Variants in KCTD16 observed in about 807,000 individuals in gnomAD.
KCTD16 encodes potassium channel tetramerization domain containing 16, also known as BTB/POZ domain-containing protein KCTD16.
In KCTD16, 13 loss-of-function variants were observed where a neutral mutation model predicts 33.2. The observed-to-expected ratio is 0.39, with a 90% CI of 0.25 to 0.62. KCTD16 has a LOEUF of 0.62. Among genes scored for constraint, KCTD16 ranks in the 20% least tolerant of loss-of-function variants. The pLI is 0.50. For missense variants in KCTD16, 441 were observed against 525.1 expected (o/e 0.84, Z 1.57); for synonymous variants, 197 against 195.3 (o/e 1.01, Z -0.07).
chr5:144,469,151 ATTTAAG>A (rs1229239366), intron 3 of KCTD16, among the ~76,000 whole-genome samples: 3 of 152,172 alleles, frequency 2.0e-5, no homozygotes, highest in Admixed American at 2.0e-4. Flanking sequence ...CCCGTTCTGG[ATTTAAG>A]TTTATTTGAT....
intron 3 of KCTD16, among the ~76,000 whole-genome samples, chr5:144,353,329 A>T (rs1455139993): frequency 1.3e-5 from 2 of 152,102 alleles, no homozygotes; most frequent in African/African-American, 2.4e-5. Context: ...CATTTATACT[A>T]TTTCTCTGAT....
chr5:144,365,182 G>T (rs1374001547), intron 3 of KCTD16, among the ~76,000 whole-genome samples: 1 of 152,004 alleles, frequency 6.6e-6, no homozygotes, highest in Non-Finnish European at 1.5e-5. Flanking sequence ...TTCTTGTTGT[G>T]AGATATTCTT....
intron 3 of KCTD16, among the ~76,000 whole-genome samples, chr5:144,408,827 C>G (rs1236388493): frequency 6.6e-6 from 1 of 152,172 alleles, no homozygotes; most frequent in Non-Finnish European, 1.5e-5. Context: ...TCCCTTCCAA[C>G]CGTCTTTACA....
chr5:144,195,266 A>G (rs1171895273), intron 2 of KCTD16, among the ~76,000 whole-genome samples: 1 of 152,130 alleles, frequency 6.6e-6, no homozygotes, highest in Admixed American at 6.5e-5. Context: ...GATTTCTTCT[A>G]TTTACCTTTC....
intron 3 of KCTD16, among the ~76,000 whole-genome samples, chr5:144,226,895 A>T (rs1401565875): frequency 6.6e-6 from 1 of 152,204 alleles, no homozygotes; most frequent in African/African-American, 2.4e-5. Context: ...TTATGAATAC[A>T]TAATAGCCAA....
At chr5:144,246,502 A>C (rs993830860) in intron 3 of KCTD16, among the ~76,000 whole-genome samples, 1 of 152,172 alleles carries the variant, frequency 6.6e-6, no homozygotes, top group Non-Finnish European at 1.5e-5. Context: ...TAAAATAATT[A>C]ATATAGAACT....
intron 3 of KCTD16, among the ~76,000 whole-genome samples, chr5:144,448,195 C>T (rs1753863292): frequency 6.6e-6 from 1 of 152,068 alleles, no homozygotes; most frequent in South Asian, 2.1e-4. Context: ...GCCTTGCCTC[C>T]AAATGACTAT....
chr5:144,234,674 C>A (rs1165784392), intron 3 of KCTD16, among the ~76,000 whole-genome samples: 2 of 152,018 alleles, frequency 1.3e-5, no homozygotes, highest in Non-Finnish European at 1.5e-5. Flanking sequence ...ATTTTCCCAC[C>A]CCATCTGGTG....
chr5:144,190,629 A>T (rs977760346), intron 2 of KCTD16, among the ~76,000 whole-genome samples: 1 of 152,184 alleles, frequency 6.6e-6, no homozygotes, highest in African/African-American at 2.4e-5. Flanking sequence ...AGCTTAAACT[A>T]CTAAAGAACA....
Position 144,478,691 on chromosome 5 carries a change from G to C in KCTD16, c.*4577G>C, listed in dbSNP as rs965204498. 1.3e-5 allele frequency: 2 copies of C among 151,976 alleles called. No individual in the cohort carries two copies. The highest frequency in any genetic ancestry group is 4.8e-5 in the African/African-American group (2 of 41,414). 9.4% of individuals were successfully genotyped at this position (151,976 alleles called of 1,614,324 possible). ...ACTTTGAAAAATTCTGCTGTTTAGG[G>C]AATATGCAGAGGCCAAGAGTTCCTT... is the stretch of plus-strand genomic sequence containing the variant. On this transcript the variant is annotated 3_prime_UTR_variant, in exon 4 of 4. Coordinates refer to ENST00000512467, the MANE Select transcript of KCTD16 (RefSeq NM_020768.4).
intron 2 of KCTD16, among the ~76,000 whole-genome samples, chr5:144,174,994 G>A (rs1351170897): frequency 6.6e-6 from 1 of 152,148 alleles, no homozygotes; most frequent in African/African-American, 2.4e-5. Context: ...AATAATTTGG[G>A]TAGTAGGGGA....
chr5:144,390,747 A>T (rs990561820), intron 3 of KCTD16, among the ~76,000 whole-genome samples: 5 of 150,992 alleles, frequency 3.3e-5, no homozygotes, highest in South Asian at 2.1e-4. Context: ...TCATTGTTCA[A>T]CTCCCACTTA....
chr5:144,341,017 C>G (rs1196736287), intron 3 of KCTD16, among the ~76,000 whole-genome samples: 1 of 151,990 alleles, frequency 6.6e-6, no homozygotes, highest in Non-Finnish European at 1.5e-5. Context: ...TGCACTCCAG[C>G]CTGGGCAACA....
At position 144,275,474 on chromosome 5, in the gene KCTD16, A is replaced by G. The variant is rs528607916; in HGVS notation, c.832+67928A>G. On this transcript the variant is annotated intron_variant, in intron 3 of 3. Transcript: ENST00000512467. ...CAATGCTGCCTTGCCCTATTTACAG[A>G]CCTTTGGAGATTTCTCCCCTTTCTC... 1.5e-3 allele frequency among the ~76,000 whole-genome samples: 226 copies of G among 152,086 alleles called. 1 individual carries two copies. The highest frequency in any genetic ancestry group is 5.2e-3 in the African/African-American group (217 of 41,486).
chr5:144,440,083 G>C (rs190720793), intron 3 of KCTD16, among the ~76,000 whole-genome samples: 8 of 152,174 alleles, frequency 5.3e-5, no homozygotes, highest in African/African-American at 1.9e-4. Context: ...TCAGAAAATA[G>C]AACTCGGTTA....
chr5:144,313,452 G>C (rs1158112143), intron 3 of KCTD16, among the ~76,000 whole-genome samples: 1 of 152,126 alleles, frequency 6.6e-6, no homozygotes, highest in Non-Finnish European at 1.5e-5. Flanking sequence ...ACTGTCACCT[G>C]TGATTGGACA....
intron 3 of KCTD16, among the ~76,000 whole-genome samples, chr5:144,413,345 A>G (rs1752975782): frequency 6.6e-6 from 1 of 152,230 alleles, no homozygotes; most frequent in Admixed American, 6.5e-5. Flanking sequence ...TAAGATTATG[A>G]GAAAACAAAT....
chr5:144,188,981 G>C (rs898116724), intron 2 of KCTD16, among the ~76,000 whole-genome samples: 2 of 152,224 alleles, frequency 1.3e-5, no homozygotes, highest in African/African-American at 4.8e-5. Context: ...TTATATTCAT[G>C]TGTAGGGTGT....
chr5:144,293,967 G>A (rs28445466), intron 3 of KCTD16, among the ~76,000 whole-genome samples: 32,759 of 152,072 alleles, frequency 0.22, 3,964 homozygotes, highest in Non-Finnish European at 0.28. Context: ...AGACCATTCC[G>A]GGACAGCATG....
Sources: gnomAD v4.1 joint callset for allele counts (sites outside exome capture counted in the v4.1 genomes callset) on GRCh38, gnomAD v4.1.1 for gene constraint, MANE v1.5 for transcripts, NCBI Gene and HGNC (gene_info 2026-07-23, HGNC 2026-07-21) for gene names.